UBXN2A: variants seen among roughly 807,000 people sequenced by gnomAD.
The protein encoded by UBXN2A is UBX domain-containing protein 2A.
A neutral mutation model predicts 28.4 loss-of-function variants in UBXN2A; 28 were observed. That is an observed-to-expected ratio of 0.99 (90% CI 0.73 to 1.35). The LOEUF (loss-of-function observed/expected upper bound fraction) is 1.35. Ranked by LOEUF, UBXN2A falls within the 40% of genes most tolerant of loss-of-function variation. UBXN2A has a pLI of 0.00. For synonymous variants in UBXN2A, 97 were observed against 103.6 expected, an observed-to-expected ratio of 0.94 and a Z score of 0.39; for missense variants, 253 against 297.9, an observed-to-expected ratio of 0.85 and a Z score of 1.11.
chr2:23,930,333 A>G (rs940860194), intron 1 of UBXN2A, among the ~76,000 whole-genome samples: 1 of 152,200 alleles, frequency 6.6e-6, no homozygotes, highest in Non-Finnish European at 1.5e-5. Flanking sequence ...TAGGCCAGGA[A>G]ATACACAGAT....
chr2:23,944,518 G>A (rs1216937300), intron 1 of UBXN2A, among the ~76,000 whole-genome samples: 1 of 152,188 alleles, frequency 6.6e-6, no homozygotes, highest in East Asian at 1.9e-4. Flanking sequence ...CCGTAATGGT[G>A]GAAAAGGGTC....
intron 1 of UBXN2A, among the ~76,000 whole-genome samples, chr2:23,948,491 G>A (rs940111030): frequency 2.0e-5 from 3 of 152,060 alleles, no homozygotes; most frequent in Non-Finnish European, 2.9e-5. Context: ...GATCTCAGGC[G>A]ATCTGCCCAC....
intron 1 of UBXN2A, among the ~76,000 whole-genome samples, chr2:23,955,861 G>C (rs770004018): frequency 3.3e-5 from 5 of 152,332 alleles, no homozygotes; most frequent in Admixed American, 6.5e-5. Flanking sequence ...ATGTATTTTG[G>C]TTATGATAAT....
At chr2:23,986,926 T>C (rs1391127700) in intron 6 of UBXN2A, among the ~76,000 whole-genome samples, 1 of 151,864 alleles carries the variant, frequency 6.6e-6, no homozygotes, top group African/African-American at 2.4e-5. Flanking sequence ...AGCTTTTTTT[T>C]GGCTGGGTGT....
At chr2:23,944,110 G>A (rs1705913608) in intron 1 of UBXN2A, 2 of 745,572 alleles carry the variant, frequency 2.7e-6, no homozygotes, top group South Asian at 2.8e-5. Context: ...TGGCATGTCA[G>A]CCCTGTTACT....
chr2:23,971,136 A>C (rs1707397089), intron 2 of UBXN2A, 140 bp from the exon 3 acceptor site: 1 of 919,450 alleles, frequency 1.1e-6, no homozygotes, highest in Middle Eastern at 3.6e-4. Flanking sequence ...GACTTCCCCA[A>C]GGTTATATTA....
chr2:23,951,413 G>GATATATATATATATATATATATAT (rs57701448), intron 1 of UBXN2A, among the ~76,000 whole-genome samples: 1 of 109,908 alleles, frequency 9.1e-6, no homozygotes, highest in Non-Finnish European at 1.8e-5. Flanking sequence ...CAGTAAGATG[G>GATATATATATATATATATATATAT]ATATATATAT....
chr2:23,990,580 C>T (rs1219649618), intron 6 of UBXN2A, among the ~76,000 whole-genome samples: 1 of 151,594 alleles, frequency 6.6e-6, no homozygotes, highest in Non-Finnish European at 1.5e-5. Context: ...TCAAGACCAA[C>T]CTGGCCAACA....
At chr2:23,972,238 G>A (rs1250839576) in intron 3 of UBXN2A, among the ~76,000 whole-genome samples, 2 of 152,190 alleles carry the variant, frequency 1.3e-5, no homozygotes, top group East Asian at 3.8e-4. Context: ...GTTACTGGTT[G>A]AACATCCCAA....
intron 1 of UBXN2A, among the ~76,000 whole-genome samples, chr2:23,947,863 TG>T (rs2150810214): frequency 6.6e-6 from 1 of 152,282 alleles, no homozygotes; most frequent in East Asian, 1.9e-4. Flanking sequence ...TTTAAGTTTT[TG>T]TTTTTTTGAG....
chr2:23,997,968 CA>C (rs1573616383), intron 6 of UBXN2A, among the ~76,000 whole-genome samples: 1 of 151,932 alleles, frequency 6.6e-6, no homozygotes, highest in East Asian at 1.9e-4. Context: ...ACCACCACCA[CA>C]CCCAGATAAT....
At chr2:23,929,500 T>A (rs1347465338) in intron 1 of UBXN2A, among the ~76,000 whole-genome samples, 2 of 149,782 alleles carry the variant, frequency 1.3e-5, no homozygotes, top group East Asian at 3.9e-4. Flanking sequence ...TCACTTGAGG[T>A]CAGGAGTTCG....
intron 2 of UBXN2A, among the ~76,000 whole-genome samples, chr2:23,964,047 G>A (rs770061038): frequency 6.6e-6 from 1 of 151,448 alleles, no homozygotes; most frequent in Non-Finnish European, 1.5e-5. Context: ...CAGGAGGATC[G>A]TTTGAGCCTA....
In UBXN2A at chr2:23,999,678, C is replaced by A; in HGVS notation, c.591C>A (p.Ser197Arg). 6.2e-7 allele frequency: 1 copy of A among 1,612,716 alleles called. No individual in the cohort carries two copies. Among genetic ancestry groups the A allele is most frequent in the Non-Finnish European group, 8.5e-7 (1 of 1,179,728 alleles). ...VQKFNITHRV[S>R]HIKDFIEKYQ... ...AGTTTTTGCTGTTTTACAGAGTAAG[C>A]CATATCAAAGACTTCATTGAAAAAT... The change falls in exon 7 of 7, where the codon AGC becomes AGA. Residue 197 changes from serine (S) to arginine (R), a missense_variant. Physicochemically the swap from Ser to Arg is moderately radical, Grantham distance 110. Coordinates refer to ENST00000309033, the MANE Select transcript of UBXN2A (RefSeq NM_181713.4).
At chr2:23,946,487 T>C (rs1706086063) in intron 1 of UBXN2A, among the ~76,000 whole-genome samples, 1 of 121,632 alleles carries the variant, frequency 8.2e-6, no homozygotes, top group South Asian at 2.9e-4. Flanking sequence ...TACCTGGCTA[T>C]TTTTTTTTGT....
rs989928753 is a variant in UBXN2A, at chr2:24,002,120, C to G, written c.*2253C>G. 6.6e-6 allele frequency: 1 copy of G among 151,692 alleles called. No individual in the cohort carries two copies. The highest frequency in any genetic ancestry group is 1.5e-5 in the Non-Finnish European group (1 of 67,910). 9.4% of individuals were successfully genotyped at this position (151,692 alleles called of 1,614,324 possible). A position where few individuals can be genotyped will look rare whatever the true frequency, so the allele number is the denominator to read the frequency against. On this transcript the variant is annotated 3_prime_UTR_variant, in exon 7 of 7. Transcript: ENST00000309033. ...GGCAAAACTCTATCTATAAAAATTA[C>G]AAAAATTAGTGCAGTAGCTCACACC...
chr2:23,999,613 A>G, intron 6 of UBXN2A, 59 bp from the exon 7 acceptor site: 2 of 1,520,644 alleles, frequency 1.3e-6, no homozygotes, highest in Non-Finnish European at 1.8e-6. Context: ...TGTTGTTACT[A>G]TAAATTAGGT....
intron 1 of UBXN2A, among the ~76,000 whole-genome samples, chr2:23,931,161 A>G (rs1403476051): frequency 2.3e-4 from 35 of 151,260 alleles, no homozygotes; most frequent in Admixed American, 4.6e-4. Flanking sequence ...CAAAAAAAAA[A>G]GGGGGGCTGG....
rs55665209 is a variant in UBXN2A at position 23,981,476 on chromosome 2, T to TAAAAAAAAAAAA, written c.288-1400_288-1389dup. On this transcript the variant is annotated intron_variant, in intron 4 of 6. Coordinates refer to ENST00000309033, the MANE Select transcript of UBXN2A (RefSeq NM_181713.4). Reference sequence around the variant, plus strand: ...CTGGGCAACAGAGTGAGCTCCTATCTAAAAAAAAAAAAAAAAAAAAAAAAA... The same window carrying TAAAAAAAAAAAA: ...CTGGGCAACAGAGTGAGCTCCTATCTAAAAAAAAAAAAAAAAAAAAAAAAAAAAAAAAAAAAA... Among the ~76,000 whole-genome samples, 4 of 28,914 alleles carry TAAAAAAAAAAAA rather than the reference T, an allele frequency of 1.4e-4. 1 individual carries two copies. Among genetic ancestry groups the TAAAAAAAAAAAA allele is most frequent in the Non-Finnish European group, 5.6e-5 (1 of 17,892 alleles). 19.0% of individuals were successfully genotyped at this position (28,914 alleles called of 152,430 possible).
Sources: gnomAD v4.1 joint callset for allele counts (sites outside exome capture counted in the v4.1 genomes callset) on GRCh38, gnomAD v4.1.1 for gene constraint, MANE v1.5 for transcripts, NCBI Gene and HGNC (gene_info 2026-07-23, HGNC 2026-07-21) for gene names.